CCDC150: variants seen among roughly 807,000 people sequenced by gnomAD.
CCDC150 encodes the protein coiled-coil domain containing 150.
In CCDC150, 151 loss-of-function variants were observed where a neutral mutation model predicts 156.5. That is an observed-to-expected ratio of 0.97 (90% confidence interval 0.85 to 1.10). The LOEUF (loss-of-function observed/expected upper bound fraction) is 1.10, where lower values mean the gene tolerates loss of function less well. Ranked by LOEUF, CCDC150 falls within the 50% of genes least tolerant of loss-of-function variation. The pLI is 0.00. For missense variants in CCDC150, 1,312 were observed against 1,268.1 expected, an observed-to-expected ratio of 1.03 and a Z score of -0.53; for synonymous variants, 452 against 429.4, an observed-to-expected ratio of 1.05 and a Z score of -0.65.
intron 5 of CCDC150, among the ~76,000 whole-genome samples, chr2:196,662,880 G>A (rs902951156): frequency 1.3e-5 from 2 of 149,862 alleles, no homozygotes; most frequent in East Asian, 2.0e-4. Context: ...AGGCTGCAGC[G>A]ATCATGCCAC....
chr2:196,712,164 A>C lies in CCDC150; in HGVS notation c.1715A>C (p.Glu572Ala). ...CTCTAGATAAAAGTTAAACAGCTAG[A>C]AGAACAAGTACAGTCTTTTACTGAC... Reference protein sequence around the residue: ...GKLQIKVKQLEEQVQSFTDTS... With the variant: ...GKLQIKVKQLAEQVQSFTDTS... Residue 572 changes from glutamate to alanine, a missense_variant, in exon 16 of 28, where the codon GAA (glutamate) becomes GCA (alanine). Coordinates refer to ENST00000389175, the MANE Select transcript of CCDC150 (RefSeq NM_001080539.2). The C allele has an allele frequency of 1.0e-5, 16 of 1,559,842 alleles. No homozygotes were observed. The highest frequency in any genetic ancestry group is 1.4e-5 in the Non-Finnish European group (16 of 1,150,158).
chr2:196,656,806 A>G lies in CCDC150; in HGVS notation c.350A>G (p.Asn117Ser), dbSNP rs1332632520. The change falls in exon 3 of 28, where the codon AAC becomes AGC. Residue 117 changes from asparagine (N) to serine (S), a missense_variant. Transcript: ENST00000389175. ...LESLMQSLKMNIFRLQTEKDL... is the reference protein window; with the variant it reads ...LESLMQSLKMSIFRLQTEKDL... Reference sequence around the variant, plus strand: ...AGCCTCATGCAGTCCTTGAAGATGAACATCTTTCGGCTGCAAACTGAAAAG... The same window carrying G: ...AGCCTCATGCAGTCCTTGAAGATGAGCATCTTTCGGCTGCAAACTGAAAAG... 6.2e-7 allele frequency: 1 copy of G among 1,613,898 alleles called. No homozygotes were observed. The highest frequency in any genetic ancestry group is 1.7e-5 in the Admixed American group (1 of 60,006).
At chr2:196,651,246 C>A (rs1447611529) in intron 2 of CCDC150, among the ~76,000 whole-genome samples, 1 of 152,146 alleles carries the variant, frequency 6.6e-6, no homozygotes, top group Non-Finnish European at 1.5e-5. Context: ...TATCCCTTAG[C>A]AAATTATTGT....
At position 196,676,259 on chromosome 2, in the gene CCDC150, G is replaced by C; in HGVS notation, c.1254G>C (p.Gln418His). ...TTCAGAATGAGAAAACCCAACTCCA[G>C]GCACATCTGTAAGTAAATTATGGGC... The part of the protein sequence containing the change: ...QTVQNEKTQL[Q>H]AHLDHLILEH... The change falls in exon 11 of 28, where the codon CAG becomes CAC. Residue 418 changes from glutamine (Q) to histidine (H), a missense_variant. By Grantham distance (24) the Gln-to-His change is conservative. Coordinates refer to ENST00000389175, the MANE Select transcript of CCDC150 (RefSeq NM_001080539.2). 6.2e-7 allele frequency: 1 copy of C among 1,613,286 alleles called. No homozygotes were observed. The highest frequency in any genetic ancestry group is 8.5e-7 in the Non-Finnish European group (1 of 1,179,564).
At chr2:196,717,432 A>T (rs780593938) in intron 17 of CCDC150, among the ~76,000 whole-genome samples, 5 of 152,238 alleles carry the variant, frequency 3.3e-5, no homozygotes, top group Non-Finnish European at 7.3e-5. Flanking sequence ...AACTGTGTGC[A>T]TGCACATATA....
intron 9 of CCDC150, among the ~76,000 whole-genome samples, chr2:196,672,689 C>T (rs191190042): frequency 6.6e-6 from 1 of 152,244 alleles, no homozygotes; most frequent in Non-Finnish European, 1.5e-5. Context: ...TTACACTTTG[C>T]CTTTGCTTGC....
intron 1 of CCDC150, among the ~76,000 whole-genome samples, chr2:196,642,723 C>T (rs1162819956): frequency 2.0e-5 from 3 of 152,070 alleles, no homozygotes; most frequent in East Asian, 3.8e-4. Context: ...TTTTAACTAA[C>T]CCTGAGACTT....
chr2:196,686,678 A>T (rs1406613781), intron 13 of CCDC150, among the ~76,000 whole-genome samples: 1 of 151,868 alleles, frequency 6.6e-6, no homozygotes, highest in Non-Finnish European at 1.5e-5. Context: ...GGTTTGTTAC[A>T]TAGGTAAATG....
intron 4 of CCDC150, among the ~76,000 whole-genome samples, chr2:196,658,097 C>T (rs977991997): frequency 4.6e-5 from 7 of 151,902 alleles, no homozygotes; most frequent in South Asian, 2.1e-4. Flanking sequence ...ATAATGAAAA[C>T]GGGAAAACAA....
At chr2:196,674,494 A>C in intron 10 of CCDC150, 146 bp downstream of exon 10, 1 of 591,366 alleles carries the variant, frequency 1.7e-6, no homozygotes, top group South Asian at 2.3e-5. Flanking sequence ...GTGCTTTTCA[A>C]TTTTCATCAG....
At chr2:196,710,456 C>G (rs181067452) in intron 15 of CCDC150, among the ~76,000 whole-genome samples, 1 of 152,228 alleles carries the variant, frequency 6.6e-6, no homozygotes, top group African/African-American at 2.4e-5. Context: ...CCTTGCGCTT[C>G]CCGGGTGAGG....
intron 15 of CCDC150, among the ~76,000 whole-genome samples, chr2:196,703,549 C>T (rs1349853713): frequency 1.3e-5 from 2 of 152,152 alleles, no homozygotes; most frequent in African/African-American, 2.4e-5. Flanking sequence ...GGCTACATTA[C>T]AGGCTGGGTA....
At position 196,721,617 on chromosome 2, in the gene CCDC150, G is replaced by A. The variant is rs1317967799; in HGVS notation, c.2355G>A (p.Leu785=). The A allele has an allele frequency of 6.2e-7, 1 of 1,606,736 alleles. No individual in the cohort carries two copies. Among genetic ancestry groups the A allele is most frequent in the Non-Finnish European group, 8.5e-7 (1 of 1,176,708 alleles). The change falls in exon 21 of 28, where the codon CTG becomes CTA. Residue 785 remains leucine, a synonymous_variant. Coordinates refer to ENST00000389175, the MANE Select transcript of CCDC150 (RefSeq NM_001080539.2). ...LEQALQTNNH[L]QTKLDHIQEQ... ...AAGCTCTCCAGACAAATAATCATCT[G>A]CAAACAAAGCTAGATCACATTCAAG...
At position 196,655,957 on chromosome 2, in the gene CCDC150, A is replaced by G. The variant is rs748437281; in HGVS notation, c.177-676A>G. ...GTTTGTCAGCCCAGTTAATTCCCTG[A>G]TGCAGGCTTGTATGAAGCTCAACTG... On this transcript the variant is annotated intron_variant, in intron 2 of 27. Transcript: ENST00000389175. 2.3e-4 allele frequency among the ~76,000 whole-genome samples: 35 copies of G among 152,136 alleles called. 1 individual carries two copies. Among genetic ancestry groups the G allele is most frequent in the Non-Finnish European group, 4.7e-4 (32 of 68,024 alleles).
intron 2 of CCDC150, among the ~76,000 whole-genome samples, 160 bp downstream of exon 2, chr2:196,646,664 C>T (rs929044966): frequency 1.3e-5 from 2 of 152,116 alleles, no homozygotes; most frequent in Admixed American, 6.5e-5. Context: ...GAAGAGTTGT[C>T]GTTCTGTGAT....
chr2:196,676,226 A>G lies in CCDC150; in HGVS notation c.1221A>G (p.Leu407=). ...DAAHASITNE[L]QTVQNEKTQL... ...CCCATGCCAGTATCACAAATGAACT[A>G]CAGACTGTTCAGAATGAGAAAACCC... The change falls in exon 11 of 28, where the codon CTA becomes CTG. Residue 407 remains leucine, a synonymous_variant. Coordinates refer to ENST00000389175, the MANE Select transcript of CCDC150 (RefSeq NM_001080539.2). The G allele has an allele frequency of 6.2e-7, 1 of 1,613,676 alleles. No homozygotes were observed. Among genetic ancestry groups the G allele is most frequent in the Non-Finnish European group, 8.5e-7 (1 of 1,179,624 alleles).
chr2:196,656,596 C>T, intron 2 of CCDC150, 37 bp from the exon 3 acceptor site: 2 of 1,387,054 alleles, frequency 1.4e-6, no homozygotes, highest in Non-Finnish European at 2.0e-6. Context: ...GTAGAAATTG[C>T]ATTGCATAAT....
intron 20 of CCDC150, 134 bp downstream of exon 20, chr2:196,720,802 A>G (rs1697835336): frequency 6.8e-6 from 5 of 735,124 alleles, no homozygotes; most frequent in South Asian, 1.9e-5. Context: ...GGACAGTGAC[A>G]TATCTACAAA....
In CCDC150 at chr2:196,721,817, A is replaced by G. The variant is rs1263447125; in HGVS notation, c.2429+126A>G. 1.2e-5 allele frequency: 9 copies of G among 735,136 alleles called. No homozygotes were observed. In the East Asian group the frequency reaches 2.4e-4, roughly 19 times the overall value. The allele number at this position is 735,136 out of a possible 1,614,324, so 45.5% of individuals were successfully genotyped here. On this transcript the variant is annotated intron_variant, in intron 21 of 27. Transcript: ENST00000389175. ...TCTCCTACTTTGCCCTAGTACTTCC[A>G]GCAGAGCCATGTTAAGAACCAGGCA...
Sources: allele counts gnomAD v4.1 joint callset (sites outside exome capture counted in the v4.1 genomes callset), GRCh38; gene constraint gnomAD v4.1.1; transcripts MANE v1.5; gene names NCBI Gene and HGNC (gene_info 2026-07-23, HGNC 2026-07-21).